The following GPR149 variants were observed in gnomAD, a reference collection of about 807,000 sequenced individuals.
GPR149 encodes G protein-coupled receptor 149.
Under a neutral mutation model 50.2 loss-of-function variants are expected in GPR149, and 50 were observed. The ratio of observed to expected loss-of-function variants is 1.00; its 90% CI spans 0.79 to 1.26. The LOEUF (loss-of-function observed/expected upper bound fraction) is 1.26, where lower values mean the gene tolerates loss of function less well. GPR149 is among the 50% of genes most tolerant of loss of function. The pLI is 0.00. For missense variants in GPR149, 983 were observed against 895.4 expected (o/e 1.10, Z -1.25); for synonymous variants, 405 against 358.2 (o/e 1.13, Z -1.48).
intron 3 of GPR149, among the ~76,000 whole-genome samples, chr3:154,418,782 A>T (rs1712057878): frequency 6.6e-6 from 1 of 151,428 alleles, no homozygotes; most frequent in Non-Finnish European, 1.5e-5. Flanking sequence ...AACCTGCACA[A>T]TGTGCACATG....
chr3:154,397,544 T>G (rs1482226187), intron 3 of GPR149, among the ~76,000 whole-genome samples: 1 of 151,626 alleles, frequency 6.6e-6, no homozygotes, highest in Non-Finnish European at 1.5e-5. Flanking sequence ...TCACTCCCAA[T>G]TATTCTAATA....
At chr3:154,416,680 T>A (rs77353867) in intron 3 of GPR149, among the ~76,000 whole-genome samples, 1 of 151,880 alleles carries the variant, frequency 6.6e-6, no homozygotes, top group East Asian at 1.9e-4. Context: ...AAAATAAAAT[T>A]TCCTCGATTC....
Position 154,338,094 on chromosome 3 carries a change from G to A in GPR149, c.1801C>T (p.Pro601Ser). ...GTGGATGAAGAATCTTCTGAGTTTG[G>A]TTCATGGCCAACACTTTTGGATCGA... is the stretch of plus-strand genomic sequence containing the variant. ...VYRSKSVGHE[P>S]NSEDSSSTFV... The change falls in exon 4 of 4, where the codon CCA becomes TCA. Residue 601 changes from proline to serine, a missense_variant. Transcript: ENST00000389740. The A allele has an allele frequency of 6.2e-7, 1 of 1,614,104 alleles. No homozygotes were observed. The highest frequency in any genetic ancestry group is 1.1e-5 in the South Asian group (1 of 91,072).
intron 3 of GPR149, among the ~76,000 whole-genome samples, chr3:154,344,426 A>G (rs1475325672): frequency 1.3e-5 from 2 of 152,234 alleles, no homozygotes; most frequent in East Asian, 3.8e-4. Flanking sequence ...ATATGATACA[A>G]AAACTGTTAA....
intron 3 of GPR149, among the ~76,000 whole-genome samples, chr3:154,392,362 G>T (rs917114231): frequency 2.6e-4 from 24 of 91,200 alleles, no homozygotes; most frequent in African/African-American, 8.1e-4. Flanking sequence ...TAAGACAAAT[G>T]AAAACAAACA....
Position 154,337,433 on chromosome 3 carries a change from G to C in GPR149, c.*266C>G, listed in dbSNP as rs746082473. ...ACAAGCAAAAACATTGGTAAACTAG[G>C]CCAAGATTTGATTTAGAAAATATTT... On this transcript the variant is annotated 3_prime_UTR_variant, in exon 4 of 4. Coordinates refer to ENST00000389740, the MANE Select transcript of GPR149 (RefSeq NM_001038705.3). 6.6e-5 allele frequency among the ~76,000 whole-genome samples: 10 copies of C among 152,082 alleles called. No individual in the cohort carries two copies. Among genetic ancestry groups the C allele is most frequent in the Non-Finnish European group, 1.5e-4 (10 of 68,002 alleles).
chr3:154,391,222 A>C (rs1474064275), intron 3 of GPR149, among the ~76,000 whole-genome samples: 5 of 152,044 alleles, frequency 3.3e-5, no homozygotes, highest in African/African-American at 1.2e-4. Flanking sequence ...AGTCAAAAGT[A>C]CTGAAATAAT....
intron 3 of GPR149, among the ~76,000 whole-genome samples, chr3:154,349,778 C>G (rs1010304300): frequency 6.6e-5 from 10 of 152,094 alleles, no homozygotes; most frequent in Non-Finnish European, 1.2e-4. Flanking sequence ...TCTACAGACA[C>G]TACAAAAAAA....
At position 154,391,890 on chromosome 3, in the gene GPR149, A is replaced by T. The variant is rs148150648; in HGVS notation, c.1623+29149T>A. On this transcript the variant is annotated intron_variant, in intron 3 of 3. Transcript: ENST00000389740. Reference sequence around the variant, plus strand: ...GCTATACTTATATTGGACAAAATAGACTTTAAGTCAAAAACTGTCATGAGA... The same window carrying T: ...GCTATACTTATATTGGACAAAATAGTCTTTAAGTCAAAAACTGTCATGAGA... Among the ~76,000 whole-genome samples the T allele has an allele frequency of 3.4e-4, 52 of 152,018 alleles. 2 individuals carry two copies. In the East Asian group the frequency reaches 0.01, roughly 29 times the overall value.
chr3:154,387,124 G>T (rs551487966), intron 3 of GPR149, among the ~76,000 whole-genome samples: 1 of 152,192 alleles, frequency 6.6e-6, no homozygotes, highest in South Asian at 2.1e-4. Flanking sequence ...AAAGAAATGC[G>T]AAAAGTTCCT....
intron 3 of GPR149, among the ~76,000 whole-genome samples, chr3:154,407,385 T>C (rs571745824): frequency 7.1e-6 from 1 of 141,366 alleles, no homozygotes; most frequent in Non-Finnish European, 1.6e-5. Flanking sequence ...TTTGCAATTA[T>C]TATACTCTTA....
At chr3:154,361,731 A>C (rs1284256801) in intron 3 of GPR149, among the ~76,000 whole-genome samples, 1 of 152,214 alleles carries the variant, frequency 6.6e-6, no homozygotes, top group Admixed American at 6.5e-5. Context: ...CCACCTTCTT[A>C]GAACCAATAA....
chr3:154,385,631 T>C (rs183827123), intron 3 of GPR149, among the ~76,000 whole-genome samples: 3 of 152,242 alleles, frequency 2.0e-5, no homozygotes, highest in Admixed American at 2.0e-4. Flanking sequence ...TCTTAGGAGC[T>C]GTATAAGGGA....
At chr3:154,424,054 T>C (rs997762826) in intron 2 of GPR149, among the ~76,000 whole-genome samples, 2 of 151,780 alleles carry the variant, frequency 1.3e-5, no homozygotes, top group Non-Finnish European at 1.5e-5. Flanking sequence ...CTCCAGCCAG[T>C]TGTGGGGAGA....
intron 3 of GPR149, among the ~76,000 whole-genome samples, chr3:154,340,924 G>C (rs1713777024): frequency 6.6e-6 from 1 of 152,156 alleles, no homozygotes; most frequent in Non-Finnish European, 1.5e-5. Context: ...GTTTCACTAT[G>C]TTGGCCAGGC....
In GPR149 at chr3:154,413,441, T is replaced by C. The variant is rs551437748; in HGVS notation, c.1623+7598A>G. Among the ~76,000 whole-genome samples the C allele has an allele frequency of 7.2e-5, 11 of 151,868 alleles. No homozygotes were observed. The South Asian group carries it at 2.3e-3, about 32-fold the overall frequency. ...GTGATATCTAGAATCTACAAAGAAC[T>C]CAAATAGGTCATCAAGGAAAAAACA... On this transcript the variant is annotated intron_variant, in intron 3 of 3. Coordinates refer to ENST00000389740, the MANE Select transcript of GPR149 (RefSeq NM_001038705.3).
chr3:154,352,329 G>C, intron 3 of GPR149: 1 of 1,056,846 alleles, frequency 9.5e-7, no homozygotes, highest in Non-Finnish European at 1.4e-6. Flanking sequence ...TTGGGGATTA[G>C]AAGACTTGTT....
intron 3 of GPR149, among the ~76,000 whole-genome samples, chr3:154,377,179 G>T (rs1169112571): frequency 6.6e-6 from 1 of 151,144 alleles, no homozygotes; most frequent in Non-Finnish European, 1.5e-5. Flanking sequence ...AAATCGAATA[G>T]AAATGTGTTA....
intron 3 of GPR149, among the ~76,000 whole-genome samples, chr3:154,402,997 C>G (rs894936354): frequency 1.6e-4 from 24 of 152,144 alleles, no homozygotes; most frequent in African/African-American, 5.3e-4. Context: ...ATTGCAAGGG[C>G]AACTAAGTAA....
Sources: gnomAD v4.1 joint callset for allele counts (sites outside exome capture counted in the v4.1 genomes callset) on GRCh38, gnomAD v4.1.1 for gene constraint, MANE v1.5 for transcripts, NCBI Gene and HGNC (gene_info 2026-07-23, HGNC 2026-07-21) for gene names.